The following TMEM114 variants were observed in gnomAD, a reference collection of about 807,000 sequenced individuals.
TMEM114 encodes transmembrane protein 114, also known as claudin-26.
A neutral mutation model predicts 6.2 loss-of-function variants in TMEM114; 6 were observed. The observed-to-expected ratio is 0.97, with a 90% CI of 0.53 to 1.91. The LOEUF is 1.91. Among genes scored for constraint, TMEM114 ranks in the 40% most tolerant of loss-of-function variants. The pLI is 0.01. For missense variants in TMEM114, 218 were observed against 158.3 expected, an observed-to-expected ratio of 1.38 and a Z score of -2.02; for synonymous variants, 104 against 73.0, an observed-to-expected ratio of 1.42 and a Z score of -2.16.
intron 2 of TMEM114, among the ~76,000 whole-genome samples, chr16:8,545,826 A>C (rs1483591665): frequency 2.0e-5 from 3 of 152,290 alleles, no homozygotes; most frequent in Non-Finnish European, 4.4e-5. Flanking sequence ...TTCATAAATA[A>C]ATGCTCAGCC....
chr16:8,575,075 A>G (rs1358703576), intron 2 of TMEM114, among the ~76,000 whole-genome samples: 1 of 152,210 alleles, frequency 6.6e-6, no homozygotes, highest in African/African-American at 2.4e-5. Flanking sequence ...GAAAATAATC[A>G]TCATCACCAA....
At chr16:8,579,443 C>A (rs2076674927) in intron 2 of TMEM114, among the ~76,000 whole-genome samples, 1 of 151,506 alleles carries the variant, frequency 6.6e-6, no homozygotes, top group African/African-American at 2.4e-5. Context: ...AAGGCAGTAG[C>A]TTTTAAAATT....
At chr16:8,589,416 G>A (rs1374762000) in intron 1 of TMEM114, 123 bp from the exon 2 acceptor site, 1 of 398,266 alleles carries the variant, frequency 2.5e-6, no homozygotes, top group Non-Finnish European at 4.4e-6. Context: ...GGGAGAGCTA[G>A]AGCAGTTGGG....
chr16:8,558,841 A>C (rs1901102535), intron 2 of TMEM114, among the ~76,000 whole-genome samples: 1 of 151,256 alleles, frequency 6.6e-6, no homozygotes, highest in Non-Finnish European at 1.5e-5. Flanking sequence ...CCTGGGTTCA[A>C]GCAATTCTCC....
intron 2 of TMEM114, among the ~76,000 whole-genome samples, chr16:8,554,366 A>G (rs1900941143): frequency 6.6e-6 from 1 of 152,034 alleles, no homozygotes; most frequent in Non-Finnish European, 1.5e-5. Flanking sequence ...GACTGCAGTG[A>G]TCTATGATTG....
At chr16:8,558,298 C>T (rs1485159765) in intron 2 of TMEM114, among the ~76,000 whole-genome samples, 2 of 152,054 alleles carry the variant, frequency 1.3e-5, no homozygotes, top group Non-Finnish European at 2.9e-5. Context: ...TCAGGTGGGC[C>T]ATGCACCCTC....
chr16:8,532,033 G>C, the TMEM114 span: 5 of 152,182 alleles, frequency 3.3e-5, no homozygotes, highest in Admixed American at 1.3e-4. Flanking sequence ...AGAACGGAGA[G>C]GTGGATTGCT....
chr16:8,561,854 GAGTGAGTGAGGGAATGAGTGAGTGAA>G (rs1901219465), intron 2 of TMEM114, among the ~76,000 whole-genome samples: 2 of 28,036 alleles, frequency 7.1e-5, no homozygotes, highest in Non-Finnish European at 1.4e-4. Flanking sequence ...GTGAATGAAT[GAGTGAGTGAGGGAATGAGTGAGTGAA>G]TGAGTGAGTG....
chr16:8,562,063 A>C (rs1247362003), intron 2 of TMEM114, among the ~76,000 whole-genome samples: 2 of 151,712 alleles, frequency 1.3e-5, no homozygotes, highest in South Asian at 2.1e-4. Flanking sequence ...TGAATGAGTG[A>C]GTAAATGAGT....
At chr16:8,588,587 A>G (rs1902386956) in intron 2 of TMEM114, among the ~76,000 whole-genome samples, 1 of 152,150 alleles carries the variant, frequency 6.6e-6, no homozygotes, top group Non-Finnish European at 1.5e-5. Flanking sequence ...AGTCCTCACA[A>G]CTTTTACTGA....
the TMEM114 span, among the ~76,000 whole-genome samples, chr16:8,531,757 A>G: frequency 1.3e-5 from 2 of 152,264 alleles, no homozygotes; most frequent in East Asian, 3.8e-4. Flanking sequence ...CCTCAATGAA[A>G]TGATCAATGT....
chr16:8,565,821 G>T (rs1008094360), downstream of TMEM114, among the ~76,000 whole-genome samples: 6 of 152,182 alleles, frequency 3.9e-5, no homozygotes, highest in African/African-American at 1.4e-4. Context: ...GGGTCTGATT[G>T]CATTTGGCTC....
At chr16:8,575,508 G>A (rs978266033) in intron 2 of TMEM114, among the ~76,000 whole-genome samples, 4 of 152,148 alleles carry the variant, frequency 2.6e-5, no homozygotes, top group African/African-American at 9.7e-5. Context: ...GGATAAACCA[G>A]GACAACTGGT....
intron 2 of TMEM114, among the ~76,000 whole-genome samples, chr16:8,580,457 A>T (rs1902100114): frequency 6.6e-6 from 1 of 151,262 alleles, no homozygotes; most frequent in Non-Finnish European, 1.5e-5. Context: ...ACTGCACTCC[A>T]TCCTGGGCGA....
At chr16:8,587,791 T>G (rs1196662885) in intron 2 of TMEM114, among the ~76,000 whole-genome samples, 3 of 152,098 alleles carry the variant, frequency 2.0e-5, no homozygotes, top group Non-Finnish European at 4.4e-5. Flanking sequence ...TGCAGTGAGC[T>G]AAGACCGTGC....
chr16:8,549,501 GAA>G (rs57591057), intron 2 of TMEM114, among the ~76,000 whole-genome samples: 5 of 106,872 alleles, frequency 4.7e-5, no homozygotes, highest in Non-Finnish European at 6.1e-5. Flanking sequence ...ACTCCGTCTC[GAA>G]AAAAAAAAAA....
intron 2 of TMEM114, among the ~76,000 whole-genome samples, chr16:8,546,701 C>T (rs547409139): frequency 2.6e-5 from 4 of 152,328 alleles, no homozygotes; most frequent in African/African-American, 9.6e-5. Flanking sequence ...ATACCCCTAC[C>T]AGATCACAGC....
intron 2 of TMEM114, among the ~76,000 whole-genome samples, chr16:8,561,552 T>TG (rs1210136933): frequency 3.3e-5 from 5 of 152,346 alleles, no homozygotes; most frequent in African/African-American, 9.6e-5. Context: ...AAACAGCACC[T>TG]GGCACATCAG....
intron 2 of TMEM114, among the ~76,000 whole-genome samples, chr16:8,558,072 G>A (rs983439477): frequency 2.0e-5 from 3 of 152,010 alleles, no homozygotes; most frequent in African/African-American, 7.3e-5. Flanking sequence ...TGACCAACAT[G>A]GTGAAACCCC....
Sources: gnomAD v4.1 joint callset for allele counts (sites outside exome capture counted in the v4.1 genomes callset) on GRCh38, gnomAD v4.1.1 for gene constraint, MANE v1.5 for transcripts, NCBI Gene and HGNC (gene_info 2026-07-23, HGNC 2026-07-21) for gene names.